RBMS2: variants seen among roughly 807,000 people sequenced by gnomAD.
RBMS2 encodes RNA binding motif single stranded interacting protein 2.
RBMS2 carries 38 observed loss-of-function variants against 58.4 expected under a neutral mutation model. The ratio of observed to expected loss-of-function variants is 0.65; its 90% CI spans 0.50 to 0.85. The LOEUF (loss-of-function observed/expected upper bound fraction) is 0.85. RBMS2 is among the 40% of genes least tolerant of loss of function. The pLI is 0.00. For missense variants in RBMS2, 367 were observed against 503.7 expected (o/e 0.73, Z 2.60); for synonymous variants, 151 against 180.7 (o/e 0.84, Z 1.32).
chr12:56,584,927 G>C (rs1884483600), intron 9 of RBMS2, among the ~76,000 whole-genome samples: 1 of 149,304 alleles, frequency 6.7e-6, no homozygotes, highest in Non-Finnish European at 1.5e-5. Context: ...GGGTTCAAGT[G>C]ATTCTCCTGC....
Position 56,595,945 on chromosome 12 carries a change from GT to G in RBMS2, c.*6820del, listed in dbSNP as rs11324344. 1 allele frequency: 152,697 copies of G among 152,724 alleles called. 76,335 individuals are homozygous for G. Among genetic ancestry groups the G allele is most frequent in the Middle Eastern group, 1 (294 of 294 alleles). 9.5% of individuals were successfully genotyped at this position (152,724 alleles called of 1,614,324 possible). On this transcript the variant is annotated 3_prime_UTR_variant, in exon 14 of 14. Transcript: ENST00000262031. ...GTCTTTTGAATCTCTATCAAATGTG[GT>G]TTTTTTTATTCAACAACTGACAAGC...
chr12:56,595,691 A>G lies in RBMS2; in HGVS notation c.*6558A>G, dbSNP rs560672009. 2.9e-4 allele frequency: 44 copies of G among 152,338 alleles called. No homozygotes were observed. Among genetic ancestry groups the G allele is most frequent in the African/African-American group, 1.0e-3 (42 of 41,532 alleles). The allele number at this position is 152,338 out of a possible 1,614,324, so 9.4% of individuals were successfully genotyped here. On this transcript the variant is annotated 3_prime_UTR_variant, in exon 14 of 14. Coordinates refer to ENST00000262031, the MANE Select transcript of RBMS2 (RefSeq NM_002898.4). ...AGGAACACAGAGGTGGCAGCTTAGGAAGCTGGGGCCACATCTCACAAGGCA... is the reference window on the plus strand; with the variant it reads ...AGGAACACAGAGGTGGCAGCTTAGGGAGCTGGGGCCACATCTCACAAGGCA...
intron 1 of RBMS2, chr12:56,539,730 C>T (rs939323869): frequency 5.3e-5 from 24 of 448,724 alleles, no homozygotes; most frequent in African/African-American, 2.0e-4. Context: ...AGTGCAATGG[C>T]GTGATCTCGG....
chr12:56,551,133 GAAAA>G (rs71081379), intron 1 of RBMS2, among the ~76,000 whole-genome samples: 2 of 144,586 alleles, frequency 1.4e-5, no homozygotes, highest in Admixed American at 7.0e-5. Flanking sequence ...AAAAAAAAAA[GAAAA>G]AAAAAAGGGA....
chr12:56,546,584 C>T (rs1877292701), intron 1 of RBMS2, among the ~76,000 whole-genome samples: 1 of 152,052 alleles, frequency 6.6e-6, no homozygotes, highest in African/African-American at 2.4e-5. Flanking sequence ...CCCCCTGCCT[C>T]AGCCTCCCAA....
At position 56,595,146 on chromosome 12, in the gene RBMS2, A is replaced by G. The variant is rs1015065363; in HGVS notation, c.*6013A>G. ...AGCAGAGTTTAGAACTTAAGAGGACAAGAAAGCTGCTCAGTGGCTGGCGTA... is the reference window on the plus strand; with the variant it reads ...AGCAGAGTTTAGAACTTAAGAGGACGAGAAAGCTGCTCAGTGGCTGGCGTA... On this transcript the variant is annotated 3_prime_UTR_variant, in exon 14 of 14. Transcript: ENST00000262031. 7 of 152,328 alleles carry G rather than the reference A, an allele frequency of 4.6e-5. No individual in the cohort carries two copies. Among genetic ancestry groups the G allele is most frequent in the Admixed American group, 1.3e-4 (2 of 15,304 alleles). The allele number at this position is 152,328 out of a possible 1,614,324, so 9.4% of individuals were successfully genotyped here.
rs2136658090 is a variant in RBMS2 at position 56,596,032 on chromosome 12, A to AC, written c.*6900dup. 1 of 151,984 alleles carries AC rather than the reference A, an allele frequency of 6.6e-6. No individual in the cohort carries two copies. The highest frequency in any genetic ancestry group is 2.4e-5 in the African/African-American group (1 of 41,300). 9.4% of individuals were successfully genotyped at this position (151,984 alleles called of 1,614,324 possible). The stretch of plus-strand genomic sequence containing the variant: ...GCAAAAACAGGAGTTTTTTCGCTAG[A>AC]CTTTTTTTTTCTTTTTAACCTTATT... On this transcript the variant is annotated 3_prime_UTR_variant, in exon 14 of 14. Transcript: ENST00000262031.
chr12:56,554,434 C>T (rs183199191), intron 1 of RBMS2, among the ~76,000 whole-genome samples: 3 of 152,148 alleles, frequency 2.0e-5, no homozygotes, highest in Non-Finnish European at 4.4e-5. Context: ...ATGTCCTTTG[C>T]ATGGACATGG....
intron 1 of RBMS2, among the ~76,000 whole-genome samples, chr12:56,554,628 C>T (rs1263009777): frequency 6.6e-6 from 1 of 152,118 alleles, no homozygotes; most frequent in African/African-American, 2.4e-5. Flanking sequence ...ATAGCTAATG[C>T]ATGTGAGGCT....
At chr12:56,562,734 A>C in intron 2 of RBMS2, 151 bp downstream of exon 2, 2 of 858,944 alleles carry the variant, frequency 2.3e-6, no homozygotes, top group Non-Finnish European at 3.6e-6. Context: ...GCATGCCACC[A>C]CTCCTGGCCT....
At chr12:56,562,705 A>C in intron 2 of RBMS2, 122 bp downstream of exon 2, 3 of 1,121,358 alleles carry the variant, frequency 2.7e-6, no homozygotes, top group Non-Finnish European at 3.9e-6. Flanking sequence ...CTCCTGTCTC[A>C]GTAGCTGGGA....
At chr12:56,550,717 C>G (rs956195376) in intron 1 of RBMS2, among the ~76,000 whole-genome samples, 20 of 151,850 alleles carry the variant, frequency 1.3e-4, no homozygotes, top group African/African-American at 4.8e-4. Flanking sequence ...TGGCACACAT[C>G]TGTAATCCCA....
upstream of RBMS2, among the ~76,000 whole-genome samples, chr12:56,520,732 T>C (rs1245115875): frequency 6.6e-6 from 1 of 152,046 alleles, no homozygotes; most frequent in African/African-American, 2.4e-5. Context: ...GCTTCTTAAG[T>C]ATTTTTTTTT....
intron 1 of RBMS2, among the ~76,000 whole-genome samples, chr12:56,533,790 A>C (rs1301852079): frequency 6.6e-6 from 1 of 152,066 alleles, no homozygotes; most frequent in Non-Finnish European, 1.5e-5. Context: ...CTATACTGCC[A>C]TTTTGGACTG....
intron 9 of RBMS2, among the ~76,000 whole-genome samples, chr12:56,584,854 G>A (rs186608865): frequency 0.011 from 1,499 of 135,334 alleles, 26 homozygotes; most frequent in African/African-American, 0.039. Flanking sequence ...ACCGAGTTTC[G>A]CTCTTGTTGC....
chr12:56,569,256 C>G (rs1038285068), intron 3 of RBMS2, among the ~76,000 whole-genome samples: 3 of 152,184 alleles, frequency 2.0e-5, no homozygotes. Context: ...GTACAAAACA[C>G]CTTTGAGTCT....
intron 1 of RBMS2, among the ~76,000 whole-genome samples, chr12:56,537,133 C>T (rs1875055249): frequency 6.6e-6 from 1 of 152,042 alleles, no homozygotes; most frequent in South Asian, 2.1e-4. Context: ...GTTGGTCAGG[C>T]TGGCCTTGAA....
At chr12:56,538,721 C>G (rs1474575147) in intron 1 of RBMS2, among the ~76,000 whole-genome samples, 1 of 151,910 alleles carries the variant, frequency 6.6e-6, no homozygotes, top group Non-Finnish European at 1.5e-5. Context: ...ACCTCGTGAT[C>G]CACCCGCCTT....
At chr12:56,538,266 C>T (rs1027244708) in intron 1 of RBMS2, among the ~76,000 whole-genome samples, 4 of 151,780 alleles carry the variant, frequency 2.6e-5, no homozygotes, top group African/African-American at 9.7e-5. Context: ...CTCCTGGCCT[C>T]ATGTGATCCA....
Sources: allele counts gnomAD v4.1 joint callset (sites outside exome capture counted in the v4.1 genomes callset), GRCh38; gene constraint gnomAD v4.1.1; transcripts MANE v1.5; gene names NCBI Gene and HGNC (gene_info 2026-07-23, HGNC 2026-07-21).